LRRC69: variants seen among roughly 807,000 people sequenced by gnomAD.
LRRC69 encodes leucine rich repeat containing 69.
In LRRC69, 42 loss-of-function variants were observed where a neutral mutation model predicts 37.8. The ratio of observed to expected loss-of-function variants is 1.11; its 90% CI spans 0.87 to 1.44. The LOEUF is 1.44. Ranked by LOEUF, LRRC69 falls within the 40% of genes most tolerant of loss-of-function variation. The probability of loss-of-function intolerance (pLI) is 0.00; values close to 1 mark genes in which losing one functional copy is unlikely to be tolerated. For synonymous variants in LRRC69, 141 were observed against 143.1 expected (o/e 0.99, Z 0.11); for missense variants, 357 against 401.9 (o/e 0.89, Z 0.96).
intron 5 of LRRC69, among the ~76,000 whole-genome samples, chr8:91,159,028 T>C (rs1808888913): frequency 6.6e-6 from 1 of 151,148 alleles, no homozygotes; most frequent in African/African-American, 2.4e-5. Flanking sequence ...TAGGGTTTTA[T>C]AAAACTGCAT....
At chr8:91,166,074 A>G (rs902401494) in intron 5 of LRRC69, among the ~76,000 whole-genome samples, 1 of 151,802 alleles carries the variant, frequency 6.6e-6, no homozygotes, top group African/African-American at 2.4e-5. Context: ...CAGTTTTGCA[A>G]CTTTCTAACT....
At chr8:91,151,901 T>C (rs1378948734) in intron 5 of LRRC69, among the ~76,000 whole-genome samples, 1 of 151,668 alleles carries the variant, frequency 6.6e-6, no homozygotes, top group African/African-American at 2.4e-5. Flanking sequence ...ATCAGTGATG[T>C]TGAGCTTTTT....
intron 6 of LRRC69, among the ~76,000 whole-genome samples, chr8:91,196,248 C>T (rs1471728340): frequency 6.6e-6 from 1 of 151,840 alleles, no homozygotes; most frequent in Non-Finnish European, 1.5e-5. Flanking sequence ...TTGAGGGTAA[C>T]CCGACCTTTC....
intron 6 of LRRC69, among the ~76,000 whole-genome samples, chr8:91,191,329 A>C (rs1391557350): frequency 6.6e-6 from 1 of 152,126 alleles, no homozygotes; most frequent in Non-Finnish European, 1.5e-5. Context: ...ATTCCCTTAT[A>C]ACTTATTTTT....
At chr8:91,182,243 G>A (rs982786292) in intron 5 of LRRC69, among the ~76,000 whole-genome samples, 2 of 151,938 alleles carry the variant, frequency 1.3e-5, no homozygotes, top group African/African-American at 4.8e-5. Flanking sequence ...TGATTTAAAA[G>A]ATTTTTTTAA....
At chr8:91,110,044 C>G (rs1463930369) in intron 1 of LRRC69, among the ~76,000 whole-genome samples, 3 of 151,888 alleles carry the variant, frequency 2.0e-5, no homozygotes, top group Non-Finnish European at 2.9e-5. Flanking sequence ...TATGCTAATT[C>G]AAAAATGTAA....
chr8:91,124,740 C>A, intron 2 of LRRC69, 121 bp downstream of exon 2: 1 of 799,592 alleles, frequency 1.3e-6, no homozygotes, highest in Non-Finnish European at 1.9e-6. Flanking sequence ...GAGATATTTA[C>A]ATACTACTCT....
downstream of LRRC69, chr8:91,219,111 A>C (rs1458784531): frequency 2.2e-6 from 1 of 460,144 alleles, no homozygotes; most frequent in Admixed American, 4.2e-5. Context: ...CAACACATTA[A>C]ATAAAGGAAG....
In LRRC69 at chr8:91,108,432, A is replaced by G. The variant is rs180954787; in HGVS notation, c.183+5588A>G. ...GTGGGGAAAGTTAATGAAACATACA[A>G]ATAAGTGTATTATTACAATTGTGAA... is the stretch of plus-strand genomic sequence containing the variant. On this transcript the variant is annotated intron_variant, in intron 1 of 7. Coordinates refer to ENST00000448384, the Ensembl canonical transcript of LRRC69. Among the ~76,000 whole-genome samples the G allele has an allele frequency of 4.5e-4, 68 of 152,162 alleles. 2 individuals are homozygous for G. The highest frequency in any genetic ancestry group is 2.2e-4 in the Non-Finnish European group (15 of 68,024).
intron 1 of LRRC69, among the ~76,000 whole-genome samples, chr8:91,106,549 A>C (rs539134951): frequency 7.1e-4 from 108 of 152,166 alleles, no homozygotes; most frequent in African/African-American, 2.2e-3. Context: ...TATTACCCTC[A>C]TACTGTTAAT....
At chr8:91,135,625 A>G in intron 4 of LRRC69, 43 bp from the exon 5 acceptor site, 1 of 1,215,774 alleles carries the variant, frequency 8.2e-7, no homozygotes, top group Non-Finnish European at 1.1e-6. Context: ...ATGATTTTAA[A>G]TATTAGATTT....
At chr8:91,147,974 C>A (rs140611882) in intron 5 of LRRC69, among the ~76,000 whole-genome samples, 5,269 of 151,672 alleles carry the variant, frequency 0.035, 314 homozygotes, top group African/African-American at 0.12. Context: ...GTTTTCTGTT[C>A]CTGGGTTAAT....
intron 5 of LRRC69, chr8:91,157,887 A>G (rs968968930): frequency 5.0e-6 from 8 of 1,589,004 alleles, no homozygotes; most frequent in African/African-American, 2.7e-5. Context: ...GATAAGGGAG[A>G]GTTTTACATA....
At chr8:91,201,090 G>C (rs1222316574) in intron 7 of LRRC69, among the ~76,000 whole-genome samples, 1 of 152,068 alleles carries the variant, frequency 6.6e-6, no homozygotes, top group East Asian at 1.9e-4. Flanking sequence ...AATAAAACCA[G>C]AACTAAATTC....
chr8:91,158,173 T>C (rs1586254359), intron 5 of LRRC69: 7 of 1,604,288 alleles, frequency 4.4e-6, no homozygotes, highest in Non-Finnish European at 6.0e-6. Context: ...GATCTGGAGC[T>C]GGAACAGAGG....
At chr8:91,168,297 C>A (rs1330824644) in intron 5 of LRRC69, among the ~76,000 whole-genome samples, 2 of 151,718 alleles carry the variant, frequency 1.3e-5, no homozygotes, top group African/African-American at 4.8e-5. Context: ...CGAAAGATGA[C>A]CAGAAATATG....
chr8:91,141,663 C>T (rs992329513), intron 5 of LRRC69, among the ~76,000 whole-genome samples: 34 of 152,120 alleles, frequency 2.2e-4, no homozygotes, highest in Admixed American at 6.6e-4. Flanking sequence ...TTGAAGAAAT[C>T]TCTAAACATT....
At chr8:91,131,234 T>TC (rs1463635660) in intron 3 of LRRC69, among the ~76,000 whole-genome samples, 2 of 107,084 alleles carry the variant, frequency 1.9e-5, no homozygotes, top group Non-Finnish European at 4.3e-5. Context: ...AATTGATTTG[T>TC]CTTTTTTTTT....
chr8:91,197,000 T>C (rs1376781616), intron 6 of LRRC69, among the ~76,000 whole-genome samples: 1 of 151,318 alleles, frequency 6.6e-6, no homozygotes, highest in Non-Finnish European at 1.5e-5. Flanking sequence ...TTGATGATGG[T>C]GATGTACAGA....
Sources: allele counts gnomAD v4.1 joint callset (sites outside exome capture counted in the v4.1 genomes callset), GRCh38; gene constraint gnomAD v4.1.1; transcripts MANE v1.5; gene names NCBI Gene and HGNC (gene_info 2026-07-23, HGNC 2026-07-21).